ALOX5AP: variants seen among roughly 807,000 people sequenced by gnomAD.
ALOX5AP encodes arachidonate 5-lipoxygenase activating protein, also known as arachidonate 5-lipoxygenase-activating protein.
Under a neutral mutation model 18.5 loss-of-function variants are expected in ALOX5AP, and 9 were observed. That is an observed-to-expected ratio of 0.49 (90% CI 0.29 to 0.85). The LOEUF (loss-of-function observed/expected upper bound fraction) is 0.85. Among genes scored for constraint, ALOX5AP ranks in the 40% least tolerant of loss-of-function variants. The probability of loss-of-function intolerance (pLI) is 0.08; values close to 1 mark genes in which losing one functional copy is unlikely to be tolerated. For missense variants in ALOX5AP, 172 were observed against 202.5 expected, an observed-to-expected ratio of 0.85 and a Z score of 0.91; for synonymous variants, 81 against 78.6, an observed-to-expected ratio of 1.03 and a Z score of -0.16.
chr13:30,730,843 C>T (rs139103200), upstream of ALOX5AP, among the ~76,000 whole-genome samples: 121 of 152,306 alleles, frequency 7.9e-4, no homozygotes, highest in Non-Finnish European at 1.5e-3. Flanking sequence ...ACTGCTTGGC[C>T]CCAGCTGTCC....
intron 1 of ALOX5AP, among the ~76,000 whole-genome samples, chr13:30,736,015 G>C (rs1320608961): frequency 1.3e-5 from 2 of 152,134 alleles, no homozygotes; most frequent in Non-Finnish European, 2.9e-5. Flanking sequence ...TGGAAGGTGA[G>C]AAGACTAGAA....
intron 4 of ALOX5AP, among the ~76,000 whole-genome samples, chr13:30,757,312 G>C (rs948220453): frequency 6.6e-6 from 1 of 152,152 alleles, no homozygotes; most frequent in African/African-American, 2.4e-5. Flanking sequence ...AGGACTTGAC[G>C]GGGTTAGACC....
intron 4 of ALOX5AP, among the ~76,000 whole-genome samples, chr13:30,756,375 A>T (rs1170752901): frequency 1.3e-5 from 2 of 152,302 alleles, no homozygotes; most frequent in East Asian, 3.9e-4. Context: ...CTGGGTTCCC[A>T]GGCCTCCTGA....
chr13:30,725,861 T>C (rs1410463707), intron 1 of ALOX5AP, among the ~76,000 whole-genome samples: 2 of 152,134 alleles, frequency 1.3e-5, no homozygotes, highest in Non-Finnish European at 2.9e-5. Context: ...GGTGGCCAGA[T>C]TAGAACAGTG....
intron 3 of ALOX5AP, among the ~76,000 whole-genome samples, chr13:30,755,232 C>T (rs922116133): frequency 6.6e-6 from 1 of 152,166 alleles, no homozygotes; most frequent in Non-Finnish European, 1.5e-5. Context: ...GGCTAGAATG[C>T]AGAGGGAATG....
rs546119182 is a variant in ALOX5AP at position 30,717,707 on chromosome 13, C to T, written c.116+3866C>T. The stretch of plus-strand genomic sequence containing the variant: ...ATGTGGAGCGGGGGTGCACCACCCT[C>T]TCAGTACATGAATGAGTTCTCCTTC... On this transcript the variant is annotated intron_variant, in intron 1 of 5. Coordinates refer to the ALOX5AP transcript ENST00000617770. Among the ~76,000 whole-genome samples, 8 of 152,332 alleles carry T rather than the reference C, an allele frequency of 5.3e-5. No individual in the cohort carries two copies. The East Asian group carries it at 1.2e-3, about 22-fold the overall frequency.
upstream of ALOX5AP, among the ~76,000 whole-genome samples, chr13:30,735,309 C>G (rs1353082849): frequency 6.6e-6 from 1 of 151,912 alleles, no homozygotes; most frequent in Non-Finnish European, 1.5e-5. Flanking sequence ...TCTGGAGACT[C>G]TCAGGGAAGT....
At chr13:30,723,395 A>G (rs113365047) in intron 1 of ALOX5AP, among the ~76,000 whole-genome samples, 9 of 152,226 alleles carry the variant, frequency 5.9e-5, no homozygotes, top group Non-Finnish European at 4.4e-5. Context: ...CTCCTTTGTC[A>G]TAGATATCTG....
At chr13:30,715,129 T>C (rs1268746545) in intron 1 of ALOX5AP, among the ~76,000 whole-genome samples, 1 of 152,058 alleles carries the variant, frequency 6.6e-6, no homozygotes, top group Non-Finnish European at 1.5e-5. Flanking sequence ...AACAATTGGG[T>C]TTCCCTGGCT....
intron 1 of ALOX5AP, among the ~76,000 whole-genome samples, chr13:30,725,155 GATCTACACAAA>G (rs1951629851): frequency 6.6e-6 from 1 of 152,146 alleles, no homozygotes; most frequent in Non-Finnish European, 1.5e-5. Flanking sequence ...GTGAGTTACA[GATCTACACAAA>G]ATCACAGAGA....
chr13:30,751,686 C>T (rs767728818), intron 2 of ALOX5AP, among the ~76,000 whole-genome samples: 29 of 152,194 alleles, frequency 1.9e-4, no homozygotes, highest in Non-Finnish European at 3.8e-4. Context: ...TCCCCGACCA[C>T]CCCCATGCCA....
chr13:30,743,959 G>A, intron 1 of ALOX5AP, 101 bp from the exon 2 acceptor site: 3 of 935,998 alleles, frequency 3.2e-6, no homozygotes, highest in Middle Eastern at 2.1e-4. Flanking sequence ...GTTGCTTGGA[G>A]GTCAAGTCAA....
intron 3 of ALOX5AP, 93 bp downstream of exon 3, chr13:30,752,215 G>T: frequency 7.5e-7 from 1 of 1,326,420 alleles, no homozygotes. Flanking sequence ...GACTTTGCCT[G>T]ACCTCTGGCT....
upstream of ALOX5AP, chr13:30,735,458 A>G: frequency 1.6e-6 from 2 of 1,218,272 alleles, no homozygotes; most frequent in Non-Finnish European, 2.1e-6. Context: ...AAAAAAAAAA[A>G]AGGAAGAAGA....
At chr13:30,735,361 G>A (rs993578452), upstream of ALOX5AP, 12 of 723,868 alleles carry the variant, frequency 1.7e-5, no homozygotes, top group African/African-American at 5.4e-5. Context: ...CTGGCTTTGC[G>A]TGCTCCTCTG....
At chr13:30,727,403 C>T (rs1462665869) in intron 1 of ALOX5AP, among the ~76,000 whole-genome samples, 1 of 152,166 alleles carries the variant, frequency 6.6e-6, no homozygotes, top group Non-Finnish European at 1.5e-5. Flanking sequence ...GGATGTTAAG[C>T]TAACACCAGG....
At chr13:30,750,647 G>A (rs4769056) in intron 2 of ALOX5AP, among the ~76,000 whole-genome samples, 1,842 of 152,224 alleles carry the variant, frequency 0.012, 40 homozygotes, top group Admixed American at 0.065. Context: ...GCAGAATAAT[G>A]GCCCCCTCAC....
At position 30,735,579 on chromosome 13, in the gene ALOX5AP, G is replaced by T. The variant is rs1367831165; in HGVS notation, c.-27G>T. On this transcript the variant is annotated 5_prime_UTR_variant, in exon 1 of 5. Coordinates refer to ENST00000380490, the MANE Select transcript of ALOX5AP (RefSeq NM_001629.4). ...AGGTTGTGCAGCTGGAGGCAGAGCA[G>T]TCCTCTCTGGGGAGCCTGAAGCAAA... is the stretch of plus-strand genomic sequence containing the variant. 6.2e-7 allele frequency: 1 copy of T among 1,613,962 alleles called. No homozygotes were observed. The highest frequency in any genetic ancestry group is 2.2e-5 in the East Asian group (1 of 44,890).
chr13:30,742,628 C>T lies in ALOX5AP; in HGVS notation c.71-1432C>T, dbSNP rs1951776140. On this transcript the variant is annotated intron_variant, in intron 1 of 4. Transcript: ENST00000380490. ...CCTACAGATACACTCAAAGTGGGCA[C>T]ATTCCTACAGAAGGAGTGTTATTTG... 3 of 152,138 alleles carry T rather than the reference C, an allele frequency of 2.0e-5. No individual in the cohort carries two copies. In the South Asian group the frequency reaches 6.2e-4, roughly 31 times the overall value. The allele number at this position is 152,138 out of a possible 1,614,324, so 9.4% of individuals were successfully genotyped here.
Sources: allele counts gnomAD v4.1 joint callset (sites outside exome capture counted in the v4.1 genomes callset), GRCh38; gene constraint gnomAD v4.1.1; transcripts MANE v1.5; gene names NCBI Gene and HGNC (gene_info 2026-07-23, HGNC 2026-07-21).